Variants in GPC5 observed in about 807,000 individuals in gnomAD.
GPC5 encodes the protein glypican-5.
Under a neutral mutation model 53.9 loss-of-function variants are expected in GPC5, and 47 were observed. That is an observed-to-expected ratio of 0.87 (90% CI 0.69 to 1.11). The LOEUF (loss-of-function observed/expected upper bound fraction) is 1.11, where lower values mean the gene tolerates loss of function less well. Among genes scored for constraint, GPC5 ranks in the 50% most tolerant of loss-of-function variants. The probability of loss-of-function intolerance (pLI) is 0.00; values close to 1 mark genes in which losing one functional copy is unlikely to be tolerated. For synonymous variants in GPC5, 286 were observed against 263.3 expected (o/e 1.09, Z -0.84); for missense variants, 748 against 713.1 (o/e 1.05, Z -0.56).
At chr13:91,942,611 A>G (rs1421402800) in intron 6 of GPC5, among the ~76,000 whole-genome samples, 4 of 152,084 alleles carry the variant, frequency 2.6e-5, no homozygotes, top group Non-Finnish European at 5.9e-5. Flanking sequence ...CATTTACTTC[A>G]GGTGGAAATT....
intron 7 of GPC5, among the ~76,000 whole-genome samples, chr13:92,472,348 G>C (rs183307386): frequency 1.3e-5 from 2 of 152,172 alleles, no homozygotes; most frequent in African/African-American, 4.8e-5. Flanking sequence ...CAAAACCAAT[G>C]CTACTCCTGG....
intron 7 of GPC5, chr13:92,339,739 T>C (rs1380432373): frequency 2.6e-5 from 4 of 152,130 alleles, no homozygotes; most frequent in African/African-American, 7.2e-5. Context: ...AATAAATCTA[T>C]GTTTCTGCAG....
In GPC5 at chr13:92,708,857, C is replaced by CTTTTTTTTTTTTTTT. The variant is rs752130758; in HGVS notation, c.1562-157396_1562-157382dup. Among the ~76,000 whole-genome samples the CTTTTTTTTTTTTTTT allele has an allele frequency of 1.5e-3, 72 of 48,184 alleles. 27 individuals carry two copies. Among genetic ancestry groups the CTTTTTTTTTTTTTTT allele is most frequent in the Non-Finnish European group, 2.6e-3 (63 of 24,284 alleles). The allele number at this position is 48,184 out of a possible 152,430, so 31.6% of individuals were successfully genotyped here. ...CTAGCAGCATCTAGCTGGAAACCGC[C>CTTTTTTTTTTTTTTT]TTTTTTTTTTTTTTTTTTTTTTTTT... is the stretch of plus-strand genomic sequence containing the variant. On this transcript the variant is annotated intron_variant, in intron 7 of 7. Coordinates refer to ENST00000377067, the MANE Select transcript of GPC5 (RefSeq NM_004466.6).
chr13:92,412,089 G>T (rs961389938), intron 7 of GPC5, among the ~76,000 whole-genome samples: 2 of 152,120 alleles, frequency 1.3e-5, no homozygotes, highest in Admixed American at 6.5e-5. Flanking sequence ...ACACTAGTTT[G>T]GAGTAATAAT....
intron 7 of GPC5, among the ~76,000 whole-genome samples, chr13:92,273,962 G>A (rs995074970): frequency 3.9e-5 from 6 of 152,084 alleles, no homozygotes; most frequent in African/African-American, 9.7e-5. Flanking sequence ...TCCTGGAATC[G>A]CCTAACTATA....
intron 6 of GPC5, among the ~76,000 whole-genome samples, chr13:91,942,836 A>G (rs1274798659): frequency 2.0e-5 from 3 of 152,090 alleles, no homozygotes; most frequent in Non-Finnish European, 4.4e-5. Flanking sequence ...GAATCAGCAT[A>G]TTTGATAATC....
At chr13:92,254,039 G>A (rs1038149776) in intron 7 of GPC5, among the ~76,000 whole-genome samples, 4 of 152,032 alleles carry the variant, frequency 2.6e-5, no homozygotes, top group Non-Finnish European at 4.4e-5. Flanking sequence ...GATAGAGATG[G>A]AAGAAGAAAA....
chr13:91,682,153 C>A (rs1296274972), intron 2 of GPC5, among the ~76,000 whole-genome samples: 1 of 152,194 alleles, frequency 6.6e-6, no homozygotes, highest in Non-Finnish European at 1.5e-5. Flanking sequence ...GCAACTTGAT[C>A]ATCTGTAAAC....
intron 6 of GPC5, among the ~76,000 whole-genome samples, chr13:92,011,245 C>A (rs1237279531): frequency 1.3e-5 from 2 of 152,092 alleles, no homozygotes; most frequent in African/African-American, 2.4e-5. Flanking sequence ...TCCTTTCCAT[C>A]CTCTATTTAA....
intron 7 of GPC5, among the ~76,000 whole-genome samples, chr13:92,388,277 A>G (rs531432505): frequency 1.3e-5 from 2 of 152,224 alleles, no homozygotes; most frequent in Admixed American, 6.6e-5. Context: ...TCTAATTCAT[A>G]TATAAGAGTG....
intron 7 of GPC5, among the ~76,000 whole-genome samples, chr13:92,648,723 TC>T (rs1885853417): frequency 6.6e-6 from 1 of 152,128 alleles, no homozygotes; most frequent in Non-Finnish European, 1.5e-5. Flanking sequence ...TGCTAATTAT[TC>T]TATACATAGA....
chr13:92,621,594 G>T (rs1479574874), intron 7 of GPC5, among the ~76,000 whole-genome samples: 1 of 151,974 alleles, frequency 6.6e-6, no homozygotes, highest in Admixed American at 6.6e-5. Context: ...GACAAAGTGG[G>T]GGATCACCTG....
At chr13:91,936,874 G>T (rs1458973063) in intron 6 of GPC5, among the ~76,000 whole-genome samples, 1 of 151,934 alleles carries the variant, frequency 6.6e-6, no homozygotes, top group Non-Finnish European at 1.5e-5. Context: ...CATTTTCCAA[G>T]CCAGTCATCC....
At chr13:92,016,672 C>G (rs2040710079) in intron 6 of GPC5, among the ~76,000 whole-genome samples, 1 of 151,832 alleles carries the variant, frequency 6.6e-6, no homozygotes, top group African/African-American at 2.4e-5. Flanking sequence ...ATTTTGACAG[C>G]CATTTTAACT....
At chr13:92,291,151 G>T (rs1184256614) in intron 7 of GPC5, among the ~76,000 whole-genome samples, 1 of 152,136 alleles carries the variant, frequency 6.6e-6, no homozygotes, top group Non-Finnish European at 1.5e-5. Context: ...CTCCTGTGCG[G>T]CCGGAGCCTC....
chr13:91,579,882 C>T (rs950039677), intron 2 of GPC5, among the ~76,000 whole-genome samples: 64 of 152,076 alleles, frequency 4.2e-4, no homozygotes, highest in African/African-American at 1.5e-3. Flanking sequence ...GCCTCTGCCT[C>T]CCAAAGTGCA....
chr13:92,792,349 C>T lies in GPC5; in HGVS notation c.1562-73933C>T, dbSNP rs150860632. On this transcript the variant is annotated intron_variant, in intron 7 of 7. Coordinates refer to ENST00000377067, the MANE Select transcript of GPC5 (RefSeq NM_004466.6). Reference sequence around the variant, plus strand: ...AGAAATAAAATACTTTACATACAAGCAAATGCTGAGAGATTTTGTCATCAC... The same window carrying T: ...AGAAATAAAATACTTTACATACAAGTAAATGCTGAGAGATTTTGTCATCAC... Among the ~76,000 whole-genome samples, 22 of 152,202 alleles carry T rather than the reference C, an allele frequency of 1.4e-4. 1 individual carries two copies. The highest frequency in any genetic ancestry group is 2.9e-4 in the Non-Finnish European group (20 of 68,012).
intron 2 of GPC5, among the ~76,000 whole-genome samples, chr13:91,601,120 T>A (rs1244565670): frequency 1.3e-5 from 2 of 152,176 alleles, no homozygotes; most frequent in Non-Finnish European, 2.9e-5. Flanking sequence ...TATTTTAAAG[T>A]TCTTTGAATG....
At chr13:92,385,532 A>ATATATG (rs1566567824) in intron 7 of GPC5, among the ~76,000 whole-genome samples, 9 of 137,156 alleles carry the variant, frequency 6.6e-5, no homozygotes, top group African/African-American at 2.1e-4. Flanking sequence ...ATGCATATAT[A>ATATATG]CATATATGCA....
Sources: allele counts gnomAD v4.1 joint callset (sites outside exome capture counted in the v4.1 genomes callset), GRCh38; gene constraint gnomAD v4.1.1; transcripts MANE v1.5; gene names NCBI Gene and HGNC (gene_info 2026-07-23, HGNC 2026-07-21).